The following CLASP2 variants were observed in gnomAD, a reference collection of about 807,000 sequenced individuals.
CLASP2 encodes the protein cytoplasmic linker associated protein 2.
Under a neutral mutation model 194.4 loss-of-function variants are expected in CLASP2, and 47 were observed. That is an observed-to-expected ratio of 0.24 (90% confidence interval 0.19 to 0.31). The LOEUF (loss-of-function observed/expected upper bound fraction) is 0.31. Ranked by LOEUF, CLASP2 falls within the 10% of genes least tolerant of loss-of-function variation. The pLI is 1.00. For missense variants in CLASP2, 1,445 were observed against 1,823.6 expected, an observed-to-expected ratio of 0.79 and a Z score of 3.78; for synonymous variants, 619 against 633.5, an observed-to-expected ratio of 0.98 and a Z score of 0.34.
intron 6 of CLASP2, 145 bp downstream of exon 6, chr3:33,684,214 C>A (rs2090289300): frequency 2.3e-6 from 1 of 429,372 alleles, no homozygotes; most frequent in East Asian, 4.7e-5. Flanking sequence ...CATTGCACTC[C>A]AGCCTGGGCA....
intron 18 of CLASP2, 129 bp downstream of exon 18, chr3:33,602,823 A>T (rs2072648445): frequency 1.0e-6 from 1 of 984,394 alleles, no homozygotes; most frequent in Non-Finnish European, 1.6e-6. Flanking sequence ...CGCAATATAG[A>T]ATTATATTAA....
intron 27 of CLASP2, among the ~76,000 whole-genome samples, chr3:33,565,885 G>T (rs374684486): frequency 6.6e-6 from 1 of 151,796 alleles, no homozygotes; most frequent in Admixed American, 6.6e-5. Flanking sequence ...TATGTTATTG[G>T]TAAGGTTTCT....
At chr3:33,702,088 T>C (rs1005016588) in intron 1 of CLASP2, among the ~76,000 whole-genome samples, 5 of 152,134 alleles carry the variant, frequency 3.3e-5, no homozygotes, top group African/African-American at 1.2e-4. Flanking sequence ...ATTTGCAAAA[T>C]ACTTATCTGA....
intron 12 of CLASP2, among the ~76,000 whole-genome samples, chr3:33,619,336 A>G (rs983413516): frequency 6.6e-6 from 1 of 152,186 alleles, no homozygotes; most frequent in African/African-American, 2.4e-5. Context: ...AGATACATAT[A>G]TGTACTCATA....
intron 8 of CLASP2, among the ~76,000 whole-genome samples, chr3:33,636,217 G>C (rs1000127754): frequency 2.0e-5 from 3 of 152,142 alleles, no homozygotes; most frequent in African/African-American, 4.8e-5. Flanking sequence ...TAAAGAAGGT[G>C]CATTTCACTA....
intron 34 of CLASP2, among the ~76,000 whole-genome samples, chr3:33,533,194 G>T (rs2056679621): frequency 6.6e-6 from 1 of 152,142 alleles, no homozygotes; most frequent in Non-Finnish European, 1.5e-5. Context: ...GTATTCAATG[G>T]ATACTTTCAT....
Position 33,498,227 on chromosome 3 carries a change from T to C in CLASP2, c.*404A>G, listed in dbSNP as rs2046041682. The C allele has an allele frequency of 1.3e-5, 2 of 155,436 alleles. No homozygotes were observed. Among genetic ancestry groups the C allele is most frequent in the Admixed American group, 6.5e-5 (1 of 15,400 alleles). The allele number at this position is 155,436 out of a possible 1,614,324, so 9.6% of individuals were successfully genotyped here. On this transcript the variant is annotated 3_prime_UTR_variant, in exon 39 of 39. Coordinates refer to ENST00000682230, the MANE Select transcript of CLASP2 (RefSeq NM_001365631.1). The stretch of plus-strand genomic sequence containing the variant: ...TAGCAATAAAAATATTATTCTGCAG[T>C]TGAATAAAAGCAAAAATGTTTTAGA...
intron 1 of CLASP2, among the ~76,000 whole-genome samples, chr3:33,717,484 T>G (rs185454739): frequency 9.3e-4 from 142 of 152,212 alleles, no homozygotes; most frequent in Non-Finnish European, 1.3e-3. Context: ...TGGAGTGCAG[T>G]GGCTCGATCT....
intron 6 of CLASP2, among the ~76,000 whole-genome samples, chr3:33,666,488 C>CTGGCTTCTTTCATGAA (rs2086194508): frequency 6.6e-6 from 1 of 152,172 alleles, no homozygotes; most frequent in African/African-American, 2.4e-5. Context: ...CCTTTTGTGA[C>CTGGCTTCTTTCATGAA]TGGCTTCTTT....
At chr3:33,587,526 T>C (rs1156856345) in intron 21 of CLASP2, among the ~76,000 whole-genome samples, 3 of 152,224 alleles carry the variant, frequency 2.0e-5, no homozygotes, top group African/African-American at 7.2e-5. Flanking sequence ...ATGAAACTTA[T>C]TTCCTATTAG....
rs369941355 is a variant in CLASP2 at position 33,619,591 on chromosome 3, G to C, written c.1317+12C>G. 3.2e-6 allele frequency: 5 copies of C among 1,544,244 alleles called. No individual in the cohort carries two copies. In the Admixed American group the frequency reaches 8.0e-5, roughly 25 times the overall value. On this transcript the variant is annotated intron_variant, in intron 12 of 38. Coordinates refer to ENST00000682230, the MANE Select transcript of CLASP2 (RefSeq NM_001365631.1). ...GAGGAGGCAGCAGTAGAAAACGAGA[G>C]AGCAAACCTACCCGAATGATAAATC... is the stretch of plus-strand genomic sequence containing the variant.
intron 36 of CLASP2, among the ~76,000 whole-genome samples, chr3:33,515,655 C>A (rs1237032464): frequency 6.6e-6 from 1 of 152,216 alleles, no homozygotes; most frequent in South Asian, 2.1e-4. Flanking sequence ...ATTCAACAAA[C>A]AAACAACCCC....
At chr3:33,532,222 A>G (rs1396103599) in intron 34 of CLASP2, among the ~76,000 whole-genome samples, 1 of 152,240 alleles carries the variant, frequency 6.6e-6, no homozygotes, top group Non-Finnish European at 1.5e-5. Context: ...CATATGCTAC[A>G]ACATGAATCA....
chr3:33,626,287 G>A (rs369494198), intron 10 of CLASP2, among the ~76,000 whole-genome samples: 1 of 152,042 alleles, frequency 6.6e-6, no homozygotes. Flanking sequence ...TCTCAAAGCA[G>A]AACAGTCTTC....
chr3:33,595,847 T>C (rs2070176967), intron 19 of CLASP2, among the ~76,000 whole-genome samples: 1 of 152,048 alleles, frequency 6.6e-6, no homozygotes, highest in South Asian at 2.1e-4. Context: ...TATAATCATA[T>C]AGAAAAGCAG....
chr3:33,702,908 G>A lies in CLASP2; in HGVS notation c.196-5975C>T, dbSNP rs114953179. ...CAACAAATGGTACTGCAACAACTGA[G>A]ATCCACATGCAAAACATTAATCTAG... On this transcript the variant is annotated intron_variant, in intron 1 of 38. Coordinates refer to ENST00000682230, the MANE Select transcript of CLASP2 (RefSeq NM_001365631.1). 8.5e-3 allele frequency among the ~76,000 whole-genome samples: 1,292 copies of A among 152,212 alleles called. 20 individuals carry two copies. Among genetic ancestry groups the A allele is most frequent in the African/African-American group, 0.028 (1,167 of 41,526 alleles).
At chr3:33,712,264 A>G (rs2093048813) in intron 1 of CLASP2, among the ~76,000 whole-genome samples, 6 of 152,178 alleles carry the variant, frequency 3.9e-5, no homozygotes, top group Admixed American at 3.9e-4. Context: ...CAGAAAATCA[A>G]AGATCGTATG....
intron 34 of CLASP2, among the ~76,000 whole-genome samples, chr3:33,527,327 T>C (rs2054843674): frequency 2.6e-5 from 4 of 152,162 alleles, no homozygotes; most frequent in Non-Finnish European, 4.4e-5. Flanking sequence ...CAGAAACTAC[T>C]ACGAACACCT....
rs193266893 is a variant in CLASP2 at position 33,544,929 on chromosome 3, C to G, written c.3154-88G>C. On this transcript the variant is annotated intron_variant, in intron 30 of 38. Transcript: ENST00000682230. Reference sequence around the variant, plus strand: ...TCCCCTACATTTCTGTTCAATAGCACGAAGCTTGACCATCTTTCCCAGGGA... The same window carrying G: ...TCCCCTACATTTCTGTTCAATAGCAGGAAGCTTGACCATCTTTCCCAGGGA... 4.6e-6 allele frequency: 4 copies of G among 866,044 alleles called. No individual in the cohort carries two copies. The Admixed American group carries it at 1.0e-4, about 22-fold the overall frequency. The allele number at this position is 866,044 out of a possible 1,614,324, so 53.6% of individuals were successfully genotyped here. A position where few individuals can be genotyped will look rare whatever the true frequency, so the allele number is the denominator to read the frequency against.
Sources: gnomAD v4.1 joint callset for allele counts (sites outside exome capture counted in the v4.1 genomes callset) on GRCh38, gnomAD v4.1.1 for gene constraint, MANE v1.5 for transcripts, NCBI Gene and HGNC (gene_info 2026-07-23, HGNC 2026-07-21) for gene names.